The following TG variants were observed in gnomAD, a reference collection of about 807,000 sequenced individuals.
TG encodes the protein thyroid hormones.
TG carries 270 observed loss-of-function variants against 324.7 expected under a neutral mutation model. The ratio of observed to expected loss-of-function variants is 0.83; its 90% CI spans 0.75 to 0.92. The LOEUF (loss-of-function observed/expected upper bound fraction) is 0.92, where lower values mean the gene tolerates loss of function less well. Ranked by LOEUF, TG falls within the 40% of genes least tolerant of loss-of-function variation. The pLI, the probability that TG is intolerant of heterozygous loss-of-function variation, is 0.00. For missense variants in TG, 3,591 were observed against 3,456.4 expected (o/e 1.04, Z -0.98); for synonymous variants, 1,401 against 1,327.0 (o/e 1.06, Z -1.21).
chr8:132,933,705 G>A, intron 24 of TG, 29 bp downstream of exon 24: 2 of 1,598,562 alleles, frequency 1.3e-6, no homozygotes, highest in Non-Finnish European at 1.7e-6. Context: ...GTGTGGTTCT[G>A]CTCCTCATCC....
intron 43 of TG, chr8:133,102,511 C>T: frequency 1.9e-6 from 3 of 1,547,426 alleles, no homozygotes; most frequent in Non-Finnish European, 2.6e-6. Flanking sequence ...CCACCTATGG[C>T]CCACCCAGGG....
intron 41 of TG, among the ~76,000 whole-genome samples, chr8:133,078,579 CAGTT>C (rs1360963060): frequency 2.0e-5 from 3 of 152,326 alleles, no homozygotes; most frequent in African/African-American, 7.2e-5. Context: ...TACATTCATT[CAGTT>C]ATTCATTCAA....
intron 41 of TG, among the ~76,000 whole-genome samples, chr8:133,069,501 T>TTG (rs200445909): frequency 0.041 from 6,180 of 152,260 alleles, 390 homozygotes; most frequent in African/African-American, 0.13. Context: ...TGCTCCTCCT[T>TTG]AGCTCCTGTT....
chr8:133,047,174 T>C (rs1232818036), intron 41 of TG: 2 of 152,254 alleles, frequency 1.3e-5, no homozygotes, highest in Admixed American at 6.5e-5. Context: ...CTTGGGACCC[T>C]TGCTTTGCAT....
chr8:132,973,600 T>C (rs752803228), intron 34 of TG, among the ~76,000 whole-genome samples: 5 of 152,208 alleles, frequency 3.3e-5, no homozygotes, highest in Non-Finnish European at 5.9e-5. Context: ...AGTTTTTCCA[T>C]TGGTGAAAAC....
intron 35 of TG, chr8:133,003,060 C>T: frequency 9.4e-7 from 1 of 1,065,664 alleles, no homozygotes; most frequent in Non-Finnish European, 1.1e-6. Context: ...CTCCTCTTTC[C>T]CTTTGTGTTT....
At chr8:133,018,124 T>A in intron 38 of TG, 127 bp downstream of exon 38, 1 of 909,118 alleles carries the variant, frequency 1.1e-6, no homozygotes, top group Non-Finnish European at 1.7e-6. Flanking sequence ...GGATGGAATA[T>A]ATTAGCTAAG....
intron 36 of TG, among the ~76,000 whole-genome samples, chr8:133,012,631 C>T (rs999627473): frequency 1.3e-5 from 2 of 152,174 alleles, no homozygotes; most frequent in Non-Finnish European, 2.9e-5. Context: ...AACATTTATA[C>T]CCTTGCCAAG....
In TG at chr8:132,966,693, TTCTC is replaced by T; in HGVS notation, c.5683_5686del (p.Ser1895ValfsTer14). The T allele has an allele frequency of 6.2e-7, 1 of 1,614,054 alleles. No homozygotes were observed. Among genetic ancestry groups the T allele is most frequent in the South Asian group, 1.1e-5 (1 of 91,082 alleles). On this transcript the variant is annotated frameshift_variant and splice_region_variant, in exon 30 of 48. Transcript: ENST00000220616. LOFTEE classifies it high-confidence loss of function. ...CCCAGCAGGCAAACCTATGGTGCCT[TTCTC>T]GTAAGTATCCTTAGAACTCATTCTT...
intron 41 of TG, among the ~76,000 whole-genome samples, chr8:133,074,298 CT>C (rs1844533091): frequency 6.6e-6 from 1 of 152,188 alleles, no homozygotes; most frequent in Non-Finnish European, 1.5e-5. Context: ...CCAAGTAGCG[CT>C]ATTGCAATCC....
intron 34 of TG, among the ~76,000 whole-genome samples, chr8:132,973,387 C>A (rs1829788837): frequency 6.6e-6 from 1 of 151,962 alleles, no homozygotes; most frequent in African/African-American, 2.4e-5. Context: ...CAGCATTGAC[C>A]CAACATGGGT....
intron 26 of TG, among the ~76,000 whole-genome samples, chr8:132,944,816 C>G (rs1326745294): frequency 6.6e-6 from 1 of 152,162 alleles, no homozygotes; most frequent in Non-Finnish European, 1.5e-5. Flanking sequence ...TTAAGACTTT[C>G]CGAAATCTTG....
rs1462213038 is a variant in TG, at chr8:133,128,336, T to C, written c.7863-3476T>C. ...AATCCTGAAACTGAAACAAAAGGCGTGCACACACACACACACACACACACA... is the reference window on the plus strand; with the variant it reads ...AATCCTGAAACTGAAACAAAAGGCGCGCACACACACACACACACACACACA... On this transcript the variant is annotated intron_variant, in intron 45 of 47. Coordinates refer to ENST00000220616, the MANE Select transcript of TG (RefSeq NM_003235.5). Among the ~76,000 whole-genome samples the C allele has an allele frequency of 3.2e-4, 7 of 21,942 alleles. No individual in the cohort carries two copies. In the East Asian group the frequency reaches 5.0e-3, roughly 16 times the overall value. 14.4% of individuals were successfully genotyped at this position (21,942 alleles called of 152,430 possible).
intron 21 of TG, among the ~76,000 whole-genome samples, chr8:132,921,217 T>A (rs372486086): frequency 5.9e-5 from 9 of 152,154 alleles, no homozygotes; most frequent in African/African-American, 2.2e-4. Context: ...ATAAGTTTGG[T>A]AAGGGAGGGA....
rs372173594 is a variant in TG, at chr8:132,906,834, C to T, written c.3781C>T (p.Pro1261Ser). The T allele has an allele frequency of 6.2e-7, 1 of 1,614,038 alleles. No homozygotes were observed. The highest frequency in any genetic ancestry group is 8.5e-7 in the Non-Finnish European group (1 of 1,180,048). Residue 1261 changes from proline to serine, a missense_variant, in exon 17 of 48, where the codon CCA becomes TCA. Pro to Ser is a moderately conservative substitution (Grantham distance 74). Coordinates refer to ENST00000220616, the MANE Select transcript of TG (RefSeq NM_003235.5). ...CTCCTGGAGCGTGTTTCCACCAGGGCCATTGATATGTAGCCTGGAGAGCGG... is the reference window on the plus strand; with the variant it reads ...CTCCTGGAGCGTGTTTCCACCAGGGTCATTGATATGTAGCCTGGAGAGCGG... ...QGSWSVFPPG[P>S]LICSLESGRW...
rs144038872 is a variant in TG, at chr8:133,065,130, A to G, written c.7240-29914A>G. ...TGGTGCGGCAAGTGGAGAAGCCTCA[A>G]TGTCCACCATATATGTGAATGCCAA... On this transcript the variant is annotated intron_variant, in intron 41 of 47. Transcript: ENST00000220616. 5.3e-5 allele frequency among the ~76,000 whole-genome samples: 8 copies of G among 152,324 alleles called. No individual in the cohort carries two copies. In the East Asian group the frequency reaches 1.2e-3, roughly 22 times the overall value.
At chr8:132,913,735 G>GTGATGCAGATTCTTTTAATGGGAAAT (rs1203097010) in intron 20 of TG, among the ~76,000 whole-genome samples, 2 of 152,220 alleles carry the variant, frequency 1.3e-5, no homozygotes, top group Non-Finnish European at 2.9e-5. Flanking sequence ...TAATGGGAAA[G>GTGATGCAGATTCTTTTAATGGGAAAT]TGATGCAGAT....
chr8:132,995,647 C>A (rs1249911854), intron 35 of TG: 6 of 443,432 alleles, frequency 1.4e-5, no homozygotes, highest in Non-Finnish European at 1.5e-5. Context: ...CTTGTACTCT[C>A]TCCATGTAGC....
chr8:132,904,428 G>A (rs1434944666), intron 16 of TG, among the ~76,000 whole-genome samples: 1 of 152,228 alleles, frequency 6.6e-6, no homozygotes, highest in Non-Finnish European at 1.5e-5. Flanking sequence ...TGAAATTAAA[G>A]ATGTAAAGTG....
Sources: allele counts gnomAD v4.1 joint callset (sites outside exome capture counted in the v4.1 genomes callset), GRCh38; gene constraint gnomAD v4.1.1; transcripts MANE v1.5; gene names NCBI Gene and HGNC (gene_info 2026-07-23, HGNC 2026-07-21).